CEP170: variants seen among roughly 807,000 people sequenced by gnomAD.
The protein encoded by CEP170 is centrosomal protein of 170 kDa.
CEP170 carries 21 observed loss-of-function variants against 151.9 expected under a neutral mutation model. The observed-to-expected ratio is 0.14, with a 90% CI of 0.10 to 0.20. The LOEUF (loss-of-function observed/expected upper bound fraction) is 0.20. Among genes scored for constraint, CEP170 ranks in the 10% least tolerant of loss-of-function variants. The probability of loss-of-function intolerance (pLI) is 1.00; values close to 1 mark genes in which losing one functional copy is unlikely to be tolerated. For synonymous variants in CEP170, 356 were observed against 648.8 expected, an observed-to-expected ratio of 0.55 and a Z score of 6.86; for missense variants, 964 against 1,892.9, an observed-to-expected ratio of 0.51 and a Z score of 9.11.
At chr1:243,186,478 T>C in intron 8 of CEP170, 56 bp from the exon 9 acceptor site, 2 of 1,516,968 alleles carry the variant, frequency 1.3e-6, no homozygotes, top group Non-Finnish European at 1.8e-6. Flanking sequence ...TGTAGAAATT[T>C]AGAAGCATAT....
intron 16 of CEP170, among the ~76,000 whole-genome samples, 175 bp downstream of exon 16, chr1:243,139,762 G>A (rs1299636193): frequency 6.6e-6 from 1 of 151,836 alleles, no homozygotes; most frequent in Non-Finnish European, 1.5e-5. Context: ...TATTATTTTC[G>A]CTAACCTCTA....
chr1:243,156,465 T>C lies in CEP170; in HGVS notation c.3677-10A>G. The C allele has an allele frequency of 2.7e-5, 42 of 1,527,318 alleles. No individual in the cohort carries two copies. Among genetic ancestry groups the C allele is most frequent in the Non-Finnish European group, 3.7e-5 (42 of 1,137,280 alleles). The allele number at this position is 1,527,318 out of a possible 1,614,324, so 94.6% of individuals were successfully genotyped here. On this transcript the variant is annotated splice_polypyrimidine_tract_variant and intron_variant, in intron 13 of 19. Coordinates refer to ENST00000366542, the MANE Select transcript of CEP170 (RefSeq NM_014812.3). ...CTCCATCTTGAATTTACTAAATTAG[T>C]TTAATTATTAAAAAAAGAATTATTA...
intron 3 of CEP170, among the ~76,000 whole-genome samples, chr1:243,212,532 T>C (rs1438725368): frequency 6.6e-6 from 1 of 152,180 alleles, no homozygotes; most frequent in Non-Finnish European, 1.5e-5. Flanking sequence ...TATGTTGAAA[T>C]TCTGCCATTT....
intron 2 of CEP170, 63 bp from the exon 3 acceptor site, chr1:243,221,876 T>C: frequency 7.0e-7 from 1 of 1,436,464 alleles, no homozygotes; most frequent in Non-Finnish European, 9.5e-7. Context: ...CAGTCACATT[T>C]TGGCTAGATA....
At chr1:243,184,850 G>C (rs2059839497) in intron 10 of CEP170, among the ~76,000 whole-genome samples, 1 of 151,958 alleles carries the variant, frequency 6.6e-6, no homozygotes. Context: ...TGTAGATTTT[G>C]ACTTGGTATA....
intron 2 of CEP170, 90 bp downstream of exon 2, chr1:243,225,086 A>C: frequency 1.5e-6 from 1 of 661,910 alleles, no homozygotes; most frequent in Non-Finnish European, 2.3e-6. Flanking sequence ...TTCAAATCTA[A>C]ATAGCACTGT....
intron 7 of CEP170, among the ~76,000 whole-genome samples, chr1:243,196,465 T>G (rs966948520): frequency 2.0e-5 from 3 of 152,170 alleles, no homozygotes; most frequent in African/African-American, 7.2e-5. Context: ...TAAACCCTAC[T>G]GAAGTGTTAG....
intron 1 of CEP170, among the ~76,000 whole-genome samples, chr1:243,243,501 T>G (rs756456546): frequency 5.2e-4 from 26 of 49,610 alleles, no homozygotes; most frequent in Non-Finnish European, 1.2e-3. Flanking sequence ...CATTCTGATT[T>G]ATTTATTTAT....
At chr1:243,186,477 T>G in intron 8 of CEP170, 55 bp from the exon 9 acceptor site, 1 of 1,523,636 alleles carries the variant, frequency 6.6e-7, no homozygotes, top group South Asian at 1.3e-5. Flanking sequence ...ATGTAGAAAT[T>G]TAGAAGCATA....
intron 10 of CEP170, among the ~76,000 whole-genome samples, chr1:243,183,042 T>G (rs2059725827): frequency 6.6e-6 from 1 of 151,898 alleles, no homozygotes; most frequent in Admixed American, 6.6e-5. Context: ...ACCTGAGATC[T>G]CCTCTTGGAA....
intron 7 of CEP170, among the ~76,000 whole-genome samples, chr1:243,195,768 A>G (rs559110127): frequency 3.3e-5 from 5 of 152,230 alleles, no homozygotes; most frequent in African/African-American, 1.2e-4. Flanking sequence ...TGATTCTACA[A>G]TTTCTGCTGG....
At chr1:243,214,283 T>TG (rs2062067094) in intron 3 of CEP170, among the ~76,000 whole-genome samples, 1 of 143,256 alleles carries the variant, frequency 7.0e-6, no homozygotes, top group African/African-American at 2.6e-5. Context: ...CTGTAAAGTT[T>TG]TTTTTTTTTT....
At chr1:243,175,789 AC>A (rs1192218934) in intron 10 of CEP170, among the ~76,000 whole-genome samples, 1 of 101,636 alleles carries the variant, frequency 9.8e-6, no homozygotes, top group Non-Finnish European at 2.0e-5. Context: ...GGAAGGCTCA[AC>A]AGTATTTCTT....
intron 14 of CEP170, among the ~76,000 whole-genome samples, chr1:243,146,503 T>C (rs1438085530): frequency 2.0e-5 from 3 of 152,188 alleles, no homozygotes; most frequent in Non-Finnish European, 4.4e-5. Flanking sequence ...CATAAGCATG[T>C]GGCTAAAAAA....
chr1:243,157,940 C>T (rs2057708143), intron 13 of CEP170, among the ~76,000 whole-genome samples: 1 of 152,172 alleles, frequency 6.6e-6, no homozygotes, highest in Admixed American at 6.5e-5. Flanking sequence ...TCATGGCTCT[C>T]TGTAAAAGTG....
In CEP170 at chr1:243,164,558, T is replaced by C. The variant is rs2058316143; in HGVS notation, c.3402A>G (p.Thr1134=). The change falls in exon 13 of 20, where the codon ACA becomes ACG. Residue 1134 remains threonine (T), a synonymous_variant. Transcript: ENST00000366542. ...VASEVSTTSS[T]SKPPTGRRNI... is the part of the protein sequence containing the mutation. ...TACGCCTTCCTGTGGGAGGTTTTGA[T>C]GTAGAACTTGTTGTGGATACTTCAG... is the stretch of plus-strand genomic sequence containing the variant. The C allele has an allele frequency of 5.6e-6, 9 of 1,613,536 alleles. No homozygotes were observed. Among genetic ancestry groups the C allele is most frequent in the Non-Finnish European group, 5.9e-6 (7 of 1,179,644 alleles).
At chr1:243,167,511 CCTGA>C (rs1309152185) in intron 12 of CEP170, among the ~76,000 whole-genome samples, 1 of 150,094 alleles carries the variant, frequency 6.7e-6, no homozygotes, top group Non-Finnish European at 1.5e-5. Flanking sequence ...TAAGGATTTT[CCTGA>C]CTATTAAAAA....
intron 13 of CEP170, among the ~76,000 whole-genome samples, chr1:243,158,603 C>T (rs1424316222): frequency 6.6e-6 from 1 of 152,064 alleles, no homozygotes; most frequent in Non-Finnish European, 1.5e-5. Flanking sequence ...TAAGTAGAGC[C>T]ATGCTAGAAT....
At chr1:243,175,553 CTTAAAG>C (rs1366115629) in intron 10 of CEP170, among the ~76,000 whole-genome samples, 3 of 152,182 alleles carry the variant, frequency 2.0e-5, no homozygotes, top group African/African-American at 2.4e-5. Flanking sequence ...TGTCTATATA[CTTAAAG>C]TTAGTGTACT....
Sources: gnomAD v4.1 joint callset for allele counts (sites outside exome capture counted in the v4.1 genomes callset) on GRCh38, gnomAD v4.1.1 for gene constraint, MANE v1.5 for transcripts, NCBI Gene and HGNC (gene_info 2026-07-23, HGNC 2026-07-21) for gene names.